PTTG1IP: variants seen among roughly 807,000 people sequenced by gnomAD.
The protein encoded by PTTG1IP is pituitary tumor-transforming gene 1 protein-interacting protein.
A neutral mutation model predicts 24.4 loss-of-function variants in PTTG1IP; 16 were observed. The ratio of observed to expected loss-of-function variants is 0.66; its 90% CI spans 0.44 to 1.00. The LOEUF (loss-of-function observed/expected upper bound fraction) is 1.00. PTTG1IP is among the 50% of genes least tolerant of loss of function. The probability of loss-of-function intolerance (pLI) is 0.00; values close to 1 mark genes in which losing one functional copy is unlikely to be tolerated. For synonymous variants in PTTG1IP, 89 were observed against 96.8 expected (o/e 0.92, Z 0.47); for missense variants, 241 against 245.8 (o/e 0.98, Z 0.13).
chr21:44,862,994 G>A (rs1449325508), intron 2 of PTTG1IP, among the ~76,000 whole-genome samples: 1 of 151,546 alleles, frequency 6.6e-6, no homozygotes, highest in Non-Finnish European at 1.5e-5. Context: ...GTTCTCTGGT[G>A]GTTGTGCTGC....
chr21:44,870,347 C>T (rs1227610824), intron 1 of PTTG1IP, among the ~76,000 whole-genome samples: 2 of 152,002 alleles, frequency 1.3e-5, no homozygotes, highest in African/African-American at 4.8e-5. Context: ...TCGAGACCGG[C>T]CTGGCCGACA....
intron 1 of PTTG1IP, among the ~76,000 whole-genome samples, chr21:44,868,502 A>G (rs147809600): frequency 6.5e-4 from 99 of 152,296 alleles, no homozygotes; most frequent in African/African-American, 2.4e-3. Context: ...AAGTGAACAC[A>G]TGAGCCACAG....
chr21:44,865,873 G>A (rs1258346669), intron 1 of PTTG1IP: 10 of 254,056 alleles, frequency 3.9e-5, no homozygotes, highest in Non-Finnish European at 7.0e-5. Flanking sequence ...CCACAGCAAC[G>A]CCAGCGACAC....
chr21:44,855,311 T>C, intron 4 of PTTG1IP, 55 bp from the exon 5 acceptor site: 1 of 1,542,690 alleles, frequency 6.5e-7, no homozygotes, highest in African/African-American at 1.4e-5. Flanking sequence ...GTGGTGTAAC[T>C]GCTAGACACG....
chr21:44,854,831 A>G (rs1234339972), intron 5 of PTTG1IP, among the ~76,000 whole-genome samples: 1 of 152,158 alleles, frequency 6.6e-6, no homozygotes, highest in Non-Finnish European at 1.5e-5. Context: ...GATGGCAACG[A>G]GCAACGCTCC....
In PTTG1IP at chr21:44,851,201, G is replaced by T; in HGVS notation, c.*380C>A. 1 of 866,716 alleles carries T rather than the reference G, an allele frequency of 1.2e-6. No individual in the cohort carries two copies. The highest frequency in any genetic ancestry group is 1.7e-6 in the Non-Finnish European group (1 of 587,384). 53.7% of individuals were successfully genotyped at this position (866,716 alleles called of 1,614,324 possible). A position where few individuals can be genotyped will look rare whatever the true frequency, so the allele number is the denominator to read the frequency against. On this transcript the variant is annotated 3_prime_UTR_variant, in exon 6 of 6. Transcript: ENST00000330938. Reference sequence around the variant, plus strand: ...AAACCGACTTCCCTGTGTTGCGTGTGAAGCTTGTTAGTGGACAGAGAGAAA... The same window carrying T: ...AAACCGACTTCCCTGTGTTGCGTGTTAAGCTTGTTAGTGGACAGAGAGAAA...
intron 1 of PTTG1IP, chr21:44,873,036 G>GA (rs2083602568): frequency 6.6e-6 from 1 of 152,230 alleles, no homozygotes; most frequent in Non-Finnish European, 1.5e-5. Context: ...ACCGGCCGCG[G>GA]CCCCATCACC....
At chr21:44,853,077 C>A (rs1254742598) in intron 5 of PTTG1IP, among the ~76,000 whole-genome samples, 5 of 152,268 alleles carry the variant, frequency 3.3e-5, no homozygotes, top group African/African-American at 1.2e-4. Context: ...CACAGCCTCA[C>A]ACCCGCTGGG....
At position 44,871,007 on chromosome 21, in the gene PTTG1IP, C is replaced by T. The variant is rs563643605; in HGVS notation, c.115+2495G>A. On this transcript the variant is annotated intron_variant, in intron 1 of 5. Coordinates refer to ENST00000330938, the MANE Select transcript of PTTG1IP (RefSeq NM_004339.4). ...CACAGGCTGCAGTCTCCATGCTCAT[C>T]AGCAGAACGAGCAGCCAAACGGGCA... Among the ~76,000 whole-genome samples the T allele has an allele frequency of 2.0e-5, 3 of 152,334 alleles. No individual in the cohort carries two copies. In the South Asian group the frequency reaches 6.2e-4, roughly 32 times the overall value.
At chr21:44,862,970 T>C (rs2083503715) in intron 2 of PTTG1IP, among the ~76,000 whole-genome samples, 1 of 152,092 alleles carries the variant, frequency 6.6e-6, no homozygotes, top group South Asian at 2.1e-4. Flanking sequence ...AGGACTGCAC[T>C]GGGAGGATAC....
At chr21:44,856,155 C>T (rs768721425) in intron 4 of PTTG1IP, 38 bp downstream of exon 4, 19 of 1,613,624 alleles carry the variant, frequency 1.2e-5, no homozygotes, top group Admixed American at 1.7e-5. Context: ...TGAATCCCCT[C>T]GAAGTAACCT....
In PTTG1IP at chr21:44,865,455, A is replaced by G; in HGVS notation, c.116-8T>C. On this transcript the variant is annotated splice_polypyrimidine_tract_variant and splice_region_variant and intron_variant, in intron 1 of 5. Coordinates refer to ENST00000330938, the MANE Select transcript of PTTG1IP (RefSeq NM_004339.4). The stretch of plus-strand genomic sequence containing the variant: ...TTGTGTTCTGAGAACAAGCTGCAGG[A>G]AAGAGGCAAGAGACAAGTCAGTCAC... 6.2e-7 allele frequency: 1 copy of G among 1,614,132 alleles called. No individual in the cohort carries two copies. Among genetic ancestry groups the G allele is most frequent in the Non-Finnish European group, 8.5e-7 (1 of 1,179,970 alleles).
chr21:44,858,583 C>A (rs57251508), intron 3 of PTTG1IP, among the ~76,000 whole-genome samples: 1 of 152,146 alleles, frequency 6.6e-6, no homozygotes, highest in Non-Finnish European at 1.5e-5. Context: ...GCTGCCTCCC[C>A]GAGCCCTGTT....
At chr21:44,871,313 G>A (rs1298451733) in intron 1 of PTTG1IP, among the ~76,000 whole-genome samples, 3 of 152,124 alleles carry the variant, frequency 2.0e-5, no homozygotes, top group African/African-American at 7.2e-5. Flanking sequence ...CCACCACCTC[G>A]GGGACCTGCA....
chr21:44,873,482 G>A lies in PTTG1IP; in HGVS notation c.115+20C>T. Reference sequence around the variant, plus strand: ...GCCGCCCCGCCCCCTTCGCGGCCCCGCCCGCCCCGGCGCCCTCACCAGCTC... The same window carrying A: ...GCCGCCCCGCCCCCTTCGCGGCCCCACCCGCCCCGGCGCCCTCACCAGCTC... On this transcript the variant is annotated intron_variant, in intron 1 of 5. Coordinates refer to ENST00000330938, the MANE Select transcript of PTTG1IP (RefSeq NM_004339.4). 2 of 1,369,846 alleles carry A rather than the reference G, an allele frequency of 1.5e-6. No homozygotes were observed. The highest frequency in any genetic ancestry group is 9.4e-7 in the Non-Finnish European group (1 of 1,067,172). 84.9% of individuals were successfully genotyped at this position (1,369,846 alleles called of 1,614,324 possible). A position where few individuals can be genotyped will look rare whatever the true frequency, so the allele number is the denominator to read the frequency against.
At chr21:44,866,527 C>T (rs1421662655) in intron 1 of PTTG1IP, among the ~76,000 whole-genome samples, 1 of 130,620 alleles carries the variant, frequency 7.7e-6, no homozygotes, top group Non-Finnish European at 1.6e-5. Flanking sequence ...GTAACACACA[C>T]GCAGACTGCC....
chr21:44,849,699 T>G lies in PTTG1IP; in HGVS notation c.*1882A>C, dbSNP rs1316441112. On this transcript the variant is annotated 3_prime_UTR_variant, in exon 6 of 6. Transcript: ENST00000330938. ...GTTTTGTGGCTGCTCTTAGTGTATT[T>G]CAGAAAAAAGCAGATGGACGAAGAC... 1.3e-5 allele frequency: 2 copies of G among 152,564 alleles called. No individual in the cohort carries two copies. The highest frequency in any genetic ancestry group is 2.9e-5 in the Non-Finnish European group (2 of 68,038). 9.5% of individuals were successfully genotyped at this position (152,564 alleles called of 1,614,324 possible).
chr21:44,858,281 G>A (rs2083463440), intron 3 of PTTG1IP, among the ~76,000 whole-genome samples: 1 of 152,202 alleles, frequency 6.6e-6, no homozygotes, highest in South Asian at 2.1e-4. Flanking sequence ...TGGTTCTAAG[G>A]TTACCTGTAA....
intron 1 of PTTG1IP, among the ~76,000 whole-genome samples, chr21:44,870,525 CAAAAAAA>C (rs60436978): frequency 3.4e-4 from 26 of 76,970 alleles, no homozygotes; most frequent in Middle Eastern, 8.6e-3. Context: ...GACTCCATCT[CAAAAAAA>C]AAAAAAAAAA....
Sources: allele counts gnomAD v4.1 joint callset (sites outside exome capture counted in the v4.1 genomes callset), GRCh38; gene constraint gnomAD v4.1.1; transcripts MANE v1.5; gene names NCBI Gene and HGNC (gene_info 2026-07-23, HGNC 2026-07-21).